ACTN1: variants seen among roughly 807,000 people sequenced by gnomAD.
ACTN1 encodes alpha-actinin-1.
Under a neutral mutation model 119.6 loss-of-function variants are expected in ACTN1, and 30 were observed. The ratio of observed to expected loss-of-function variants is 0.25; its 90% CI spans 0.19 to 0.34. The LOEUF (loss-of-function observed/expected upper bound fraction) is 0.34. Among genes scored for constraint, ACTN1 ranks in the 10% least tolerant of loss-of-function variants. The pLI, the probability that ACTN1 is intolerant of heterozygous loss-of-function variation, is 1.00. For synonymous variants in ACTN1, 429 were observed against 472.6 expected (o/e 0.91, Z 1.20); for missense variants, 764 against 1,223.4 (o/e 0.62, Z 5.60).
chr14:68,906,982 CA>C (rs1357371649), intron 6 of ACTN1, among the ~76,000 whole-genome samples: 1 of 147,986 alleles, frequency 6.8e-6, no homozygotes, highest in Non-Finnish European at 1.5e-5. Context: ...AATTAAAAAA[CA>C]GAAGGGGGGC....
chr14:68,967,689 G>C (rs1435606286), intron 1 of ACTN1, among the ~76,000 whole-genome samples: 2 of 152,244 alleles, frequency 1.3e-5, no homozygotes, highest in African/African-American at 4.8e-5. Context: ...GAGTGGCTGA[G>C]AGCCAGAAGA....
chr14:68,884,307 C>T lies in ACTN1; in HGVS notation c.1496G>A (p.Arg499Gln), dbSNP rs765810811. 24 of 1,613,670 alleles carry T rather than the reference C, an allele frequency of 1.5e-5. No individual in the cohort carries two copies. Among genetic ancestry groups the T allele is most frequent in the East Asian group, 4.5e-5 (2 of 44,890 alleles). The change falls in exon 14 of 22, where the codon CGG becomes CAG. Residue 499 changes from arginine (R) to glutamine (Q), a missense_variant and splice_region_variant. Around this residue, in one of 4 missense-constraint regions of ACTN1, gnomAD observed 544 missense variants for 912.0 expected, o/e 0.60. Coordinates refer to ENST00000394419, the MANE Select transcript of ACTN1 (RefSeq NM_001130004.2). ...AATGGTCTCCAGCAGTTTCTCGGTC[C>T]GCTGGGAGTGCCAAATAGGGTAAGG... ...LTQKRREALE[R>Q]TEKLLETIDQ...
chr14:68,883,302 T>C, intron 14 of ACTN1: 1 of 482,964 alleles, frequency 2.1e-6, no homozygotes, highest in East Asian at 3.2e-5. Flanking sequence ...GTTCACCACC[T>C]CACAGGTCAG....
chr14:68,917,842 G>A (rs946865510), intron 3 of ACTN1, among the ~76,000 whole-genome samples: 1 of 152,166 alleles, frequency 6.6e-6, no homozygotes, highest in African/African-American at 2.4e-5. Context: ...GAGGCTGGCG[G>A]ATCATTTGAA....
chr14:68,958,717 A>T (rs1477432161), intron 1 of ACTN1, among the ~76,000 whole-genome samples: 4 of 152,202 alleles, frequency 2.6e-5, no homozygotes, highest in African/African-American at 9.7e-5. Context: ...CAAAACTGGA[A>T]ACCACGGAAG....
intron 10 of ACTN1, among the ~76,000 whole-genome samples, chr14:68,890,634 T>C (rs990128850): frequency 6.7e-6 from 1 of 149,396 alleles, no homozygotes; most frequent in East Asian, 1.9e-4. Context: ...AGGTCACACA[T>C]GTGCTAAGGC....
chr14:68,899,380 A>C (rs117876406), intron 8 of ACTN1, among the ~76,000 whole-genome samples: 19,244 of 141,812 alleles, frequency 0.14, 1,486 homozygotes, highest in African/African-American at 0.19. Context: ...CACCCCATAC[A>C]CCTCATACAC....
In ACTN1 at chr14:68,880,117, C is replaced by G; in HGVS notation, c.2134-9G>C. 6.2e-7 allele frequency: 1 copy of G among 1,612,772 alleles called. No individual in the cohort carries two copies. Among genetic ancestry groups the G allele is most frequent in the Non-Finnish European group, 8.5e-7 (1 of 1,179,246 alleles). ...CAGCCCACACGGATGTGCTGCAGGA[C>G]GGCAAGGGGCCTGTCAGCAAAGGGG... On this transcript the variant is annotated splice_polypyrimidine_tract_variant and intron_variant, in intron 17 of 21. Coordinates refer to ENST00000394419, the MANE Select transcript of ACTN1 (RefSeq NM_001130004.2). This position sits in a 1 kb window ranked among gnomAD's most constrained non-coding sequence, Gnocchi z 4.6.
intron 8 of ACTN1, among the ~76,000 whole-genome samples, chr14:68,894,785 C>G (rs2032755590): frequency 6.6e-6 from 1 of 152,064 alleles, no homozygotes; most frequent in African/African-American, 2.4e-5. Flanking sequence ...GAAAAATGAT[C>G]CCTGGATTAA....
intron 1 of ACTN1, among the ~76,000 whole-genome samples, chr14:68,927,626 A>C (rs957633248): frequency 2.0e-5 from 3 of 152,108 alleles, no homozygotes; most frequent in Non-Finnish European, 4.4e-5. Flanking sequence ...CAGTGCTCTT[A>C]GGGACCCCCT....
chr14:68,932,539 T>A (rs12436237), intron 1 of ACTN1, among the ~76,000 whole-genome samples: 17,186 of 116,582 alleles, frequency 0.15, 1,132 homozygotes, highest in Non-Finnish European at 0.19. Context: ...TTTTTTTTTT[T>A]AATTTTTCTT....
chr14:68,895,933 G>A (rs935193160), intron 8 of ACTN1, among the ~76,000 whole-genome samples: 1 of 152,072 alleles, frequency 6.6e-6, no homozygotes, highest in African/African-American at 2.4e-5. Context: ...GGGCCTCCTG[G>A]GGACTTTCCA....
At chr14:68,895,678 G>C (rs1050363031) in intron 8 of ACTN1, among the ~76,000 whole-genome samples, 1 of 152,178 alleles carries the variant, frequency 6.6e-6, no homozygotes, top group South Asian at 2.1e-4. Flanking sequence ...AAGCAACTGC[G>C]GCTGTGATTT....
In ACTN1 at chr14:68,899,333, CCT is replaced by C. The variant is rs760064100; in HGVS notation, c.762+3142_762+3143del. On this transcript the variant is annotated intron_variant, in intron 8 of 21. Coordinates refer to ENST00000394419, the MANE Select transcript of ACTN1 (RefSeq NM_001130004.2). ...CACCACACCCACAGCGCACCTCACC[CCT>C]CACACCTCCTACACACCACACACAC... Among the ~76,000 whole-genome samples, 13 of 149,976 alleles carry C rather than the reference CCT, an allele frequency of 8.7e-5. No individual in the cohort carries two copies. In the East Asian group the frequency reaches 1.6e-3, roughly 18 times the overall value.
chr14:68,955,011 G>A (rs1341707099), intron 1 of ACTN1, among the ~76,000 whole-genome samples: 2 of 152,034 alleles, frequency 1.3e-5, no homozygotes, highest in Non-Finnish European at 2.9e-5. Flanking sequence ...CCACTCTGAT[G>A]CAAGCAGACC....
At position 68,883,194 on chromosome 14, in the gene ACTN1, G is replaced by A. The variant is rs1594756784; in HGVS notation, c.1636-139C>T. The A allele has an allele frequency of 2.4e-5, 22 of 905,970 alleles. 1 individual carries two copies. In the South Asian group the frequency reaches 3.5e-4, roughly 14 times the overall value. 56.1% of individuals were successfully genotyped at this position (905,970 alleles called of 1,614,324 possible). ...CAAAGATTCTTGTGGCTGAGAACCA[G>A]GATGGCAGGTATGGCCACAGGAAGG... On this transcript the variant is annotated intron_variant, in intron 14 of 21. Transcript: ENST00000394419.
intron 11 of ACTN1, chr14:68,886,071 A>G (rs1346629286): frequency 6.5e-6 from 1 of 153,346 alleles, no homozygotes; most frequent in African/African-American, 2.4e-5. Flanking sequence ...TGACCCTCAG[A>G]CACACTGCCC....
At chr14:68,936,935 T>C in intron 1 of ACTN1, 3 of 517,950 alleles carry the variant, frequency 5.8e-6, no homozygotes, top group South Asian at 4.5e-5. Context: ...ACTCCTCCCC[T>C]GTCCTCTACA....
chr14:68,879,829 G>T lies in ACTN1; in HGVS notation c.2280+133C>A. 7.6e-7 allele frequency: 1 copy of T among 1,312,474 alleles called. No individual in the cohort carries two copies. Among genetic ancestry groups the T allele is most frequent in the Non-Finnish European group, 1.0e-6 (1 of 964,126 alleles). The allele number at this position is 1,312,474 out of a possible 1,614,324, so 81.3% of individuals were successfully genotyped here. A position where few individuals can be genotyped will look rare whatever the true frequency, so the allele number is the denominator to read the frequency against. On this transcript the variant is annotated intron_variant, in intron 18 of 21. Coordinates refer to ENST00000394419, the MANE Select transcript of ACTN1 (RefSeq NM_001130004.2). The surrounding 1 kb of genome is among the most constrained non-coding windows in gnomAD (Gnocchi z 4.9). ...GTTTTGCAGGGTGCATTGAGTCAGG[G>T]CAGGCTGACGGCAGTTTCCCCTTTC...
Sources: gnomAD v4.1 joint callset for allele counts (sites outside exome capture counted in the v4.1 genomes callset) on GRCh38, gnomAD v4.1.1 for gene constraint, gnomAD v4.1.1 regional missense constraint, Gnocchi (gnomAD v3.1) non-coding constraint, MANE v1.5 for transcripts, NCBI Gene and HGNC (gene_info 2026-07-23, HGNC 2026-07-21) for gene names.